FIG4: variants seen among roughly 807,000 people sequenced by gnomAD.
FIG4 encodes the protein FIG4 phosphoinositide 5-phosphatase.
FIG4 carries 112 observed loss-of-function variants against 118.6 expected under a neutral mutation model. The observed-to-expected ratio is 0.94, with a 90% CI of 0.81 to 1.11. The LOEUF (loss-of-function observed/expected upper bound fraction) is 1.11, where lower values mean the gene tolerates loss of function less well. Ranked by LOEUF, FIG4 falls within the 50% of genes least tolerant of loss-of-function variation. The probability of loss-of-function intolerance (pLI) is 0.00; values close to 1 mark genes in which losing one functional copy is unlikely to be tolerated. For missense variants in FIG4, 969 were observed against 1,111.7 expected, an observed-to-expected ratio of 0.87 and a Z score of 1.83; for synonymous variants, 369 against 381.2, an observed-to-expected ratio of 0.97 and a Z score of 0.37.
chr6:109,700,375 C>G (rs983221831), intron 1 of FIG4, among the ~76,000 whole-genome samples: 6 of 151,754 alleles, frequency 4.0e-5, no homozygotes, highest in Non-Finnish European at 5.9e-5. Context: ...AATAAAACAC[C>G]CAATAAAAAG....
At chr6:109,739,073 G>A (rs1403369143) in intron 7 of FIG4, among the ~76,000 whole-genome samples, 2 of 152,154 alleles carry the variant, frequency 1.3e-5, no homozygotes, top group African/African-American at 2.4e-5. Flanking sequence ...TTGCAAAGTA[G>A]TATTTAGGAT....
rs114745391 is a variant in FIG4, at chr6:109,708,822, G to A, written c.67-6256G>A. On this transcript the variant is annotated intron_variant, in intron 1 of 22. Transcript: ENST00000230124. ...GCCCATTTTTTAATGATTTTTTTTCGTGTAAATTTGTTTAAGTCCCTCACA... is the reference window on the plus strand; with the variant it reads ...GCCCATTTTTTAATGATTTTTTTTCATGTAAATTTGTTTAAGTCCCTCACA... Among the ~76,000 whole-genome samples the A allele has an allele frequency of 7.0e-3, 1,052 of 150,674 alleles. 13 individuals carry two copies. Among genetic ancestry groups the A allele is most frequent in the African/African-American group, 0.025 (1,015 of 41,094 alleles).
In FIG4 at chr6:109,791,385, C is replaced by A; in HGVS notation, c.2190C>A (p.Ser730Arg). 1 of 1,612,560 alleles carries A rather than the reference C, an allele frequency of 6.2e-7. No homozygotes were observed. The highest frequency in any genetic ancestry group is 8.5e-7 in the Non-Finnish European group (1 of 1,179,776). Residue 730 changes from serine (S) to arginine (R), a missense_variant, in exon 20 of 23, where the codon AGC becomes AGA. Physicochemically the swap from Ser to Arg is moderately radical, Grantham distance 110 (BLOSUM62 -1). This residue lies in a region of FIG4 where 330 missense variants were observed against 348.1 expected (regional missense o/e 0.95). Transcript: ENST00000230124. ...ETGKSVLGNK[S>R]NREEAVLQRK... Reference sequence around the variant, plus strand: ...ATTATTCTTTTAAAAGAAACAAAAGCAATAGAGAAGAAGCTGTATTACAGC... The same window carrying A: ...ATTATTCTTTTAAAAGAAACAAAAGAAATAGAGAAGAAGCTGTATTACAGC...
intron 22 of FIG4, among the ~76,000 whole-genome samples, chr6:109,817,564 T>A (rs1451932904): frequency 1.6e-5 from 2 of 123,120 alleles, no homozygotes; most frequent in African/African-American, 2.7e-5. Flanking sequence ...TCTCAGAGAG[T>A]GTGTAAAAAA....
At chr6:109,760,229 A>G (rs762692799) in intron 10 of FIG4, 21 bp from the exon 11 acceptor site, 1 of 1,605,328 alleles carries the variant, frequency 6.2e-7, no homozygotes, top group South Asian at 1.1e-5. Flanking sequence ...GAACACTGAA[A>G]ATGTTTAATT....
At chr6:109,805,762 G>A (rs1369929003) in intron 22 of FIG4, among the ~76,000 whole-genome samples, 1 of 152,044 alleles carries the variant, frequency 6.6e-6, no homozygotes, top group Admixed American at 6.6e-5. Context: ...TGCTTTTTAA[G>A]CATTGTATAT....
At position 109,776,687 on chromosome 6, in the gene FIG4, G is replaced by T. The variant is rs941800434; in HGVS notation, c.1751-235G>T. On this transcript the variant is annotated intron_variant, in intron 15 of 22. Coordinates refer to ENST00000230124, the MANE Select transcript of FIG4 (RefSeq NM_014845.6). ...CAAATTCAACAAGCAGTTTATGTTCGCTATCATCTGTATATTTTATGAGAG... is the reference window on the plus strand; with the variant it reads ...CAAATTCAACAAGCAGTTTATGTTCTCTATCATCTGTATATTTTATGAGAG... 4.6e-5 allele frequency among the ~76,000 whole-genome samples: 7 copies of T among 152,064 alleles called. No individual in the cohort carries two copies. The East Asian group carries it at 1.3e-3, about 29-fold the overall frequency.
intron 15 of FIG4, among the ~76,000 whole-genome samples, chr6:109,769,780 A>G (rs1562673752): frequency 6.6e-6 from 1 of 152,162 alleles, no homozygotes; most frequent in Non-Finnish European, 1.5e-5. Context: ...TTAACCAGGC[A>G]TGGTAGTGCA....
intron 22 of FIG4, among the ~76,000 whole-genome samples, chr6:109,801,497 G>A (rs780701320): frequency 7.2e-5 from 11 of 152,144 alleles, no homozygotes; most frequent in Non-Finnish European, 1.6e-4. Context: ...CCAGTGAGCC[G>A]AGATTGTGAC....
At chr6:109,708,090 A>T (rs1775144627) in intron 1 of FIG4, among the ~76,000 whole-genome samples, 3 of 150,828 alleles carry the variant, frequency 2.0e-5, no homozygotes, top group Admixed American at 2.0e-4. Context: ...TTATTTTGTC[A>T]CCCAGGTATT....
chr6:109,782,163 A>T (rs971620571), intron 16 of FIG4, among the ~76,000 whole-genome samples: 3 of 152,202 alleles, frequency 2.0e-5, no homozygotes, highest in Non-Finnish European at 4.4e-5. Flanking sequence ...GTATGCAAAG[A>T]AGGGAGTGAC....
In FIG4 at chr6:109,776,929, T is replaced by TA; in HGVS notation, c.1759dup (p.Arg587LysfsTer6). 6.2e-7 allele frequency: 1 copy of TA among 1,613,098 alleles called. No individual in the cohort carries two copies. The highest frequency in any genetic ancestry group is 8.5e-7 in the Non-Finnish European group (1 of 1,179,228). ...ATATATTTTGCTTTTTAGATGCCGA[T>TA]AGACAAGATTCCATTAATCTCTTCC... On this transcript the variant is annotated frameshift_variant, in exon 16 of 23. Transcript: ENST00000230124. LOFTEE classifies it high-confidence loss of function.
intron 3 of FIG4, among the ~76,000 whole-genome samples, chr6:109,725,279 G>A (rs1279560321): frequency 6.6e-6 from 1 of 152,086 alleles, no homozygotes; most frequent in South Asian, 2.1e-4. Flanking sequence ...ACAGGCCCTG[G>A]TGTGTGATGT....
Position 109,732,703 on chromosome 6 carries a change from G to C in FIG4, c.497+16G>C. 2.7e-6 allele frequency: 4 copies of C among 1,509,134 alleles called. No homozygotes were observed. Among genetic ancestry groups the C allele is most frequent in the Non-Finnish European group, 3.7e-6 (4 of 1,092,732 alleles). 93.5% of individuals were successfully genotyped at this position (1,509,134 alleles called of 1,614,324 possible). A position where few individuals can be genotyped will look rare whatever the true frequency, so the allele number is the denominator to read the frequency against. On this transcript the variant is annotated intron_variant, in intron 5 of 22. Coordinates refer to ENST00000230124, the MANE Select transcript of FIG4 (RefSeq NM_014845.6). The stretch of plus-strand genomic sequence containing the variant: ...TTTACTTTAGGTAAGTGTGAGGTTA[G>C]TTTTGCTCCTATCAATCACATAAAC...
chr6:109,735,620 A>G (rs1776138443), intron 6 of FIG4, among the ~76,000 whole-genome samples: 1 of 152,094 alleles, frequency 6.6e-6, no homozygotes, highest in Non-Finnish European at 1.5e-5. Context: ...TTTTTTTAAT[A>G]TTAGGTAATA....
chr6:109,699,464 A>AT (rs1242263712), intron 1 of FIG4, among the ~76,000 whole-genome samples: 3 of 124,828 alleles, frequency 2.4e-5, no homozygotes, highest in African/African-American at 9.0e-5. Context: ...TCCTAGGCTT[A>AT]TTTTTTTTCC....
At chr6:109,709,767 T>C (rs1775200359) in intron 1 of FIG4, among the ~76,000 whole-genome samples, 1 of 152,148 alleles carries the variant, frequency 6.6e-6, no homozygotes, top group Admixed American at 6.5e-5. Context: ...AGTTTGACTG[T>C]TGTTGGTGTA....
chr6:109,766,626 C>G, intron 14 of FIG4, 103 bp from the exon 15 acceptor site: 1 of 935,554 alleles, frequency 1.1e-6, no homozygotes, highest in East Asian at 2.4e-5. Flanking sequence ...TTGAAAGGCT[C>G]AGAAGAATTT....
At position 109,704,440 on chromosome 6, in the gene FIG4, G is replaced by A. The variant is rs141852692; in HGVS notation, c.67-10638G>A. Among the ~76,000 whole-genome samples, 1,088 of 152,246 alleles carry A rather than the reference G, an allele frequency of 7.1e-3. 6 individuals carry two copies. The highest frequency in any genetic ancestry group is 0.024 in the Middle Eastern group (7 of 294). On this transcript the variant is annotated intron_variant, in intron 1 of 22. Coordinates refer to ENST00000230124, the MANE Select transcript of FIG4 (RefSeq NM_014845.6). ...GGAGGCCAAGGCAGGTGGATCATTTGAGGTCAGGAGTTCAAGACCAGCCAG... is the reference window on the plus strand; with the variant it reads ...GGAGGCCAAGGCAGGTGGATCATTTAAGGTCAGGAGTTCAAGACCAGCCAG...
Sources: allele counts gnomAD v4.1 joint callset (sites outside exome capture counted in the v4.1 genomes callset), GRCh38; gene constraint gnomAD v4.1.1; regional missense constraint gnomAD v4.1.1; transcripts MANE v1.5; gene names NCBI Gene and HGNC (gene_info 2026-07-23, HGNC 2026-07-21).